The following TMEM115 variants were observed in gnomAD, a reference collection of about 807,000 sequenced individuals.
TMEM115 encodes transmembrane protein 115.
TMEM115 carries 8 observed loss-of-function variants against 20.1 expected under a neutral mutation model. The observed-to-expected ratio is 0.40, with a 90% CI of 0.23 to 0.72. The LOEUF (loss-of-function observed/expected upper bound fraction) is 0.72. Ranked by LOEUF, TMEM115 falls within the 30% of genes least tolerant of loss-of-function variation. TMEM115 has a pLI of 0.39. For synonymous variants in TMEM115, 229 were observed against 206.2 expected, an observed-to-expected ratio of 1.11 and a Z score of -0.95; for missense variants, 374 against 455.1, an observed-to-expected ratio of 0.82 and a Z score of 1.62.
Position 50,359,219 on chromosome 3 carries a change from G to T in TMEM115, c.-156C>A. The T allele has an allele frequency of 8.2e-7, 1 of 1,213,720 alleles. No homozygotes were observed. Among genetic ancestry groups the T allele is most frequent in the Non-Finnish European group, 1.1e-6 (1 of 899,582 alleles). 75.2% of individuals were successfully genotyped at this position (1,213,720 alleles called of 1,614,324 possible). On this transcript the variant is annotated 5_prime_UTR_variant, in exon 1 of 2. Coordinates refer to ENST00000266025, the MANE Select transcript of TMEM115 (RefSeq NM_007024.5). ...TCCGCTTCCGATCGGGTGGGGCTCT[G>T]GTCCCGAGGGGCCGAGTCGGGCCTT...
chr3:50,358,712 G>C lies in TMEM115; in HGVS notation c.352C>G (p.Leu118Val), dbSNP rs1287709863. 2 of 1,613,450 alleles carry C rather than the reference G, an allele frequency of 1.2e-6. No homozygotes were observed. The highest frequency in any genetic ancestry group is 8.5e-7 in the Non-Finnish European group (1 of 1,180,048). Residue 118 changes from leucine (L) to valine (V), a missense_variant, in exon 1 of 2, where the codon CTC becomes GTC. Coordinates refer to ENST00000266025, the MANE Select transcript of TMEM115 (RefSeq NM_007024.5). ...SVGLLGAFAYLLTYMASFNLV... is the reference protein window; with the variant it reads ...SVGLLGAFAYVLTYMASFNLV... ...TTGAAGGAAGCCATGTAGGTGAGGA[G>C]GTAGGCGAAGGCCCCCAGCAGCCCT...
At chr3:50,357,150 C>G (rs1254629185) in intron 1 of TMEM115, among the ~76,000 whole-genome samples, 1 of 152,228 alleles carries the variant, frequency 6.6e-6, no homozygotes, top group Non-Finnish European at 1.5e-5. Flanking sequence ...TGCCCTGCAG[C>G]ATGCTGTATA....
intron 1 of TMEM115, among the ~76,000 whole-genome samples, chr3:50,357,496 AGAGT>A (rs978045511): frequency 1.3e-5 from 2 of 152,196 alleles, no homozygotes; most frequent in African/African-American, 4.8e-5. Context: ...TCTGGGAGAG[AGAGT>A]AAGCTGAATT....
In TMEM115 at chr3:50,359,087, G is replaced by A; in HGVS notation, c.-24C>T. 2 of 1,535,006 alleles carry A rather than the reference G, an allele frequency of 1.3e-6. No homozygotes were observed. Among genetic ancestry groups the A allele is most frequent in the South Asian group, 1.2e-5 (1 of 83,346 alleles). ...ATCTTCCTGGCGGCTGTCGGCCTGA[G>A]AAAAGGGTCTGGTAGGCCAGGGGCC... On this transcript the variant is annotated 5_prime_UTR_variant, in exon 1 of 2. Coordinates refer to ENST00000266025, the MANE Select transcript of TMEM115 (RefSeq NM_007024.5).
In TMEM115 at chr3:50,357,731, C is replaced by T. The variant is rs374969498; in HGVS notation, c.851+482G>A. On this transcript the variant is annotated intron_variant, in intron 1 of 1. Coordinates refer to ENST00000266025, the MANE Select transcript of TMEM115 (RefSeq NM_007024.5). ...GTGGTAATACCCCAAGCTTCCCTCTCAATAAGTAAGTGGCAGAGAAGCACA... is the reference window on the plus strand; with the variant it reads ...GTGGTAATACCCCAAGCTTCCCTCTTAATAAGTAAGTGGCAGAGAAGCACA... Among the ~76,000 whole-genome samples, 8 of 152,334 alleles carry T rather than the reference C, an allele frequency of 5.3e-5. No individual in the cohort carries two copies. The East Asian group carries it at 7.7e-4, about 15-fold the overall frequency.
intron 1 of TMEM115, among the ~76,000 whole-genome samples, chr3:50,355,766 T>G (rs1170219317): frequency 6.6e-6 from 1 of 152,140 alleles, no homozygotes; most frequent in Admixed American, 6.5e-5. Context: ...GAATCTTCCC[T>G]CCATAGCTGA....
At position 50,355,143 on chromosome 3, in the gene TMEM115, G is replaced by A. The variant is rs997559161; in HGVS notation, c.*200C>T. Reference sequence around the variant, plus strand: ...GACTGGCCGATGCCTCAGAGGCTCCGGGCCTGGCATAGTGGTTGTCTGGAG... The same window carrying A: ...GACTGGCCGATGCCTCAGAGGCTCCAGGCCTGGCATAGTGGTTGTCTGGAG... On this transcript the variant is annotated 3_prime_UTR_variant, in exon 2 of 2. Coordinates refer to ENST00000266025, the MANE Select transcript of TMEM115 (RefSeq NM_007024.5). The A allele has an allele frequency of 2.6e-5, 11 of 424,580 alleles. No individual in the cohort carries two copies. Among genetic ancestry groups the A allele is most frequent in the East Asian group, 3.6e-5 (1 of 28,086 alleles). The allele number at this position is 424,580 out of a possible 1,614,324, so 26.3% of individuals were successfully genotyped here.
chr3:50,358,831 C>T lies in TMEM115; in HGVS notation c.233G>A (p.Ser78Asn), dbSNP rs750910063. 2 of 1,613,322 alleles carry T rather than the reference C, an allele frequency of 1.2e-6. No individual in the cohort carries two copies. The highest frequency in any genetic ancestry group is 2.2e-5 in the East Asian group (1 of 44,884). Residue 78 changes from serine to asparagine, a missense_variant, in exon 1 of 2, where the codon AGC (serine) becomes AAC (asparagine). Transcript: ENST00000266025. ...MEQHVWDVAI[S>N]LTTVVVAGRL... is the part of the protein sequence containing the mutation. Reference sequence around the variant, plus strand: ...CCCGGCCACCACCACCGTTGTCAGGCTGATGGCCACGTCCCACACATGCTG... The same window carrying T: ...CCCGGCCACCACCACCGTTGTCAGGTTGATGGCCACGTCCCACACATGCTG...
Position 50,358,860 on chromosome 3 carries a change from C to CA in TMEM115, c.203dup (p.Met68IlefsTer145). 6.2e-7 allele frequency: 1 copy of CA among 1,613,292 alleles called. No homozygotes were observed. The highest frequency in any genetic ancestry group is 8.5e-7 in the Non-Finnish European group (1 of 1,180,032). On this transcript the variant is annotated frameshift_variant, in exon 1 of 2. Transcript: ENST00000266025. LOFTEE classifies it high-confidence loss of function. ...TGGCCACGTCCCACACATGCTGCTCCATCAGCCCATGGGTGGCCAGGGTCC... is the reference window on the plus strand; with the variant it reads ...TGGCCACGTCCCACACATGCTGCTCCAATCAGCCCATGGGTGGCCAGGGTCC...
At position 50,355,400 on chromosome 3, in the gene TMEM115, C is replaced by T. The variant is rs1703852911; in HGVS notation, c.999G>A (p.Lys333=). The change falls in exon 2 of 2, where the codon AAG becomes AAA. Residue 333 remains lysine (K), a synonymous_variant. Coordinates refer to ENST00000266025, the MANE Select transcript of TMEM115 (RefSeq NM_007024.5). ...TTAGACTGGATTCTGGGGCAGCCCC[C>T]TTCCCTGGGGGTGTGGGAGCTTTGT... ...PSDKAPTPPG[K]GAAPESSLIT... 1 of 1,572,622 alleles carries T rather than the reference C, an allele frequency of 6.4e-7. No homozygotes were observed. Among genetic ancestry groups the T allele is most frequent in the Non-Finnish European group, 8.6e-7 (1 of 1,159,706 alleles).
chr3:50,358,980 C>A lies in TMEM115; in HGVS notation c.84G>T (p.Ala28=). The change falls in exon 1 of 2, where the codon GCG becomes GCT. Residue 28 remains alanine (A), a synonymous_variant. Coordinates refer to ENST00000266025, the MANE Select transcript of TMEM115 (RefSeq NM_007024.5). Reference sequence around the variant, plus strand: ...AGAGCAGGTAGAGGAATAGTACCGCCGCACACAGAGCCTTCACCACCACGC... The same window carrying A: ...AGAGCAGGTAGAGGAATAGTACCGCAGCACACAGAGCCTTCACCACCACGC... The part of the protein sequence containing the change: ...SASVVVKALC[A]AVLFLYLLSF... The A allele has an allele frequency of 6.2e-7, 1 of 1,600,136 alleles. No individual in the cohort carries two copies.
Position 50,358,386 on chromosome 3 carries a change from A to G in TMEM115, c.678T>C (p.Thr226=), listed in dbSNP as rs1188359900. 1 of 1,613,826 alleles carries G rather than the reference A, an allele frequency of 6.2e-7. No individual in the cohort carries two copies. Among genetic ancestry groups the G allele is most frequent in the East Asian group, 2.2e-5 (1 of 44,894 alleles). The change falls in exon 1 of 2, where the codon ACT becomes ACC. Residue 226 remains threonine (T), a synonymous_variant. Transcript: ENST00000266025. Reference sequence around the variant, plus strand: ...CAGGCTGCAGGATCTCAGGGAAGAAAGTGGCGAAAGCAAAGTGGTCAGCCA... The same window carrying G: ...CAGGCTGCAGGATCTCAGGGAAGAAGGTGGCGAAAGCAAAGTGGTCAGCCA... ...GDMADHFAFA[T]FFPEILQPVV...
Position 50,358,308 on chromosome 3 carries a change from T to C in TMEM115, c.756A>G (p.Ile252Met). 5.0e-6 allele frequency: 8 copies of C among 1,613,816 alleles called. No individual in the cohort carries two copies. The highest frequency in any genetic ancestry group is 6.8e-6 in the Non-Finnish European group (8 of 1,180,040). Reference protein sequence around the residue: ...LVHSLLVKVKICQKTVKRYDV... With the variant: ...LVHSLLVKVKMCQKTVKRYDV... ...CGTAGCGCTTCACCGTCTTCTGGCA[T>C]ATCTTTACCTTCACCAGGAGGCTGT... The change falls in exon 1 of 2, where the codon ATA becomes ATG. Residue 252 changes from isoleucine (I) to methionine (M), a missense_variant. By Grantham distance (10) the Ile-to-Met change is conservative. Transcript: ENST00000266025.
chr3:50,357,269 G>A (rs1703891237), intron 1 of TMEM115, among the ~76,000 whole-genome samples: 1 of 152,186 alleles, frequency 6.6e-6, no homozygotes, highest in African/African-American at 2.4e-5. Context: ...ATAGCCCAGT[G>A]GAGAGTAAAT....
At chr3:50,356,634 T>G (rs149321489) in intron 1 of TMEM115, among the ~76,000 whole-genome samples, 1 of 152,298 alleles carries the variant, frequency 6.6e-6, no homozygotes, top group Non-Finnish European at 1.5e-5. Flanking sequence ...ATCCTGATGA[T>G]GCCCTTGCCA....
rs780981435 is a variant in TMEM115 at position 50,355,334 on chromosome 3, G to A, written c.*9C>T. On this transcript the variant is annotated 3_prime_UTR_variant, in exon 2 of 2. Transcript: ENST00000266025. The stretch of plus-strand genomic sequence containing the variant: ...GGAGGGGAGGTGCCACACTCAAGGT[G>A]GTCTGGAGTTACAGCGTCGGGGGAG... The A allele has an allele frequency of 4.1e-6, 6 of 1,478,666 alleles. No homozygotes were observed. Among genetic ancestry groups the A allele is most frequent in the East Asian group, 5.1e-5 (2 of 39,290 alleles). The allele number at this position is 1,478,666 out of a possible 1,614,324, so 91.6% of individuals were successfully genotyped here.
chr3:50,358,485 G>C lies in TMEM115; in HGVS notation c.579C>G (p.Ser193=). The change falls in exon 1 of 2, where the codon TCC becomes TCG. Residue 193 remains serine (S), a synonymous_variant. Coordinates refer to ENST00000266025, the MANE Select transcript of TMEM115 (RefSeq NM_007024.5). The part of the protein sequence containing the change: ...ATLLQSPALA[S]YGFGLLSSWV... ...AACTGGAGAGCAGCCCGAAGCCATA[G>C]GAAGCCAGCGCCGGGCTCTGGAGCA... 1 of 1,612,982 alleles carries C rather than the reference G, an allele frequency of 6.2e-7. No individual in the cohort carries two copies. The highest frequency in any genetic ancestry group is 8.5e-7 in the Non-Finnish European group (1 of 1,179,996).
At position 50,355,353 on chromosome 3, in the gene TMEM115, G is replaced by A. The variant is rs200775541; in HGVS notation, c.1046C>T (p.Pro349Leu). The change falls in exon 2 of 2, where the codon CCG becomes CTG. Residue 349 changes from proline (P) to leucine (L), a missense_variant. Physicochemically the swap from Pro to Leu is moderately conservative, Grantham distance 98. Transcript: ENST00000266025. Reference protein sequence around the residue: ...SSLITFEAAPPTL With the variant: ...SSLITFEAAPLTL Reference sequence around the variant, plus strand: ...CAAGGTGGTCTGGAGTTACAGCGTCGGGGGAGCTGCCTCGAAGGTGATTAG... The same window carrying A: ...CAAGGTGGTCTGGAGTTACAGCGTCAGGGGAGCTGCCTCGAAGGTGATTAG... The A allele has an allele frequency of 3.3e-5, 49 of 1,492,986 alleles. No individual in the cohort carries two copies. The South Asian group carries it at 4.0e-4, about 12-fold the overall frequency. The allele number at this position is 1,492,986 out of a possible 1,614,324, so 92.5% of individuals were successfully genotyped here.
chr3:50,355,258 C>T lies in TMEM115; in HGVS notation c.*85G>A. 9.1e-7 allele frequency: 1 copy of T among 1,097,240 alleles called. No individual in the cohort carries two copies. The highest frequency in any genetic ancestry group is 1.3e-6 in the Non-Finnish European group (1 of 781,710). 68.0% of individuals were successfully genotyped at this position (1,097,240 alleles called of 1,614,324 possible). A position where few individuals can be genotyped will look rare whatever the true frequency, so the allele number is the denominator to read the frequency against. On this transcript the variant is annotated 3_prime_UTR_variant, in exon 2 of 2. Coordinates refer to ENST00000266025, the MANE Select transcript of TMEM115 (RefSeq NM_007024.5). ...CCCAGCAGGCCTTCTTCCCTCTCCT[C>T]AGAGCAGTCAGGTGCCCTGGAGTAG...
Sources: gnomAD v4.1 joint callset for allele counts (sites outside exome capture counted in the v4.1 genomes callset) on GRCh38, gnomAD v4.1.1 for gene constraint, MANE v1.5 for transcripts, NCBI Gene and HGNC (gene_info 2026-07-23, HGNC 2026-07-21) for gene names.